ANKRD6: variants seen among roughly 807,000 people sequenced by gnomAD.
ANKRD6 encodes ankyrin repeat domain 6.
ANKRD6 carries 56 observed loss-of-function variants against 82.3 expected under a neutral mutation model. That is an observed-to-expected ratio of 0.68 (90% CI 0.55 to 0.85). ANKRD6 has a LOEUF of 0.85. ANKRD6 is among the 40% of genes least tolerant of loss of function. The pLI, the probability that ANKRD6 is intolerant of heterozygous loss-of-function variation, is 0.00. For synonymous variants in ANKRD6, 347 were observed against 352.1 expected (o/e 0.99, Z 0.16); for missense variants, 852 against 907.6 (o/e 0.94, Z 0.79).
intron 1 of ANKRD6, among the ~76,000 whole-genome samples, chr6:89,540,289 A>G (rs1784313589): frequency 6.6e-6 from 1 of 152,114 alleles, no homozygotes; most frequent in Non-Finnish European, 1.5e-5. Context: ...ATCCTCGCCA[A>G]CATTTGTTAT....
intron 1 of ANKRD6, among the ~76,000 whole-genome samples, chr6:89,511,005 C>T (rs924818202): frequency 1.3e-5 from 2 of 152,182 alleles, no homozygotes; most frequent in Non-Finnish European, 2.9e-5. Context: ...AACATCTCCT[C>T]TTCATCCAGA....
At chr6:89,541,485 C>T (rs778045637) in intron 1 of ANKRD6, among the ~76,000 whole-genome samples, 2 of 145,812 alleles carry the variant, frequency 1.4e-5, no homozygotes, top group African/African-American at 2.5e-5. Flanking sequence ...CTCCACATTC[C>T]GAGTTCAAGC....
intron 1 of ANKRD6, among the ~76,000 whole-genome samples, chr6:89,514,473 G>A (rs376052343): frequency 7.2e-5 from 11 of 152,224 alleles, no homozygotes; most frequent in African/African-American, 2.6e-4. Flanking sequence ...TGTGGCCCAA[G>A]ACAATTCTAC....
chr6:89,441,620 C>CTTTTTTTT (rs71556522), intron 1 of ANKRD6, among the ~76,000 whole-genome samples: 7 of 80,458 alleles, frequency 8.7e-5, no homozygotes, highest in East Asian at 4.1e-4. Flanking sequence ...CTTTTCTTTC[C>CTTTTTTTT]TTTTTTTTTT....
chr6:89,518,271 G>A (rs367763390), intron 1 of ANKRD6, among the ~76,000 whole-genome samples: 6 of 152,072 alleles, frequency 3.9e-5, no homozygotes, highest in African/African-American at 9.7e-5. Context: ...GCGTGGTGGC[G>A]CATGCCTGTA....
intron 1 of ANKRD6, among the ~76,000 whole-genome samples, chr6:89,559,071 G>A (rs1412078369): frequency 6.6e-6 from 1 of 152,098 alleles, no homozygotes; most frequent in African/African-American, 2.4e-5. Context: ...AATATGACTA[G>A]CCACTCTTCT....
chr6:89,455,632 G>C (rs372091932), intron 1 of ANKRD6, among the ~76,000 whole-genome samples: 1 of 152,072 alleles, frequency 6.6e-6, no homozygotes, highest in Non-Finnish European at 1.5e-5. Context: ...TTTCATGATA[G>C]TGAATGAGTT....
At chr6:89,600,209 C>T (rs1396152450) in intron 3 of ANKRD6, among the ~76,000 whole-genome samples, 1 of 152,168 alleles carries the variant, frequency 6.6e-6, no homozygotes, top group African/African-American at 2.4e-5. Flanking sequence ...GAAGCAAATA[C>T]AGTAGATTGA....
intron 1 of ANKRD6, among the ~76,000 whole-genome samples, chr6:89,544,326 G>A (rs1361332230): frequency 6.6e-6 from 1 of 152,210 alleles, no homozygotes; most frequent in East Asian, 1.9e-4. Flanking sequence ...ACAAGTCACA[G>A]CAGAGTGCTC....
chr6:89,608,368 C>CACACACACACACACACACACACTA, intron 5 of ANKRD6, among the ~76,000 whole-genome samples: 3 of 130,752 alleles, frequency 2.3e-5, no homozygotes, highest in East Asian at 2.1e-4. Flanking sequence ...CACACACACA[C>CACACACACACACACACACACACTA]TATATATATA....
In ANKRD6 at chr6:89,433,881, A is replaced by T. The variant is rs1770282819; in HGVS notation, c.-144+506A>T. On this transcript the variant is annotated intron_variant, in intron 1 of 15. Coordinates refer to ENST00000339746, the MANE Select transcript of ANKRD6 (RefSeq NM_001242809.2). The surrounding 1 kb of genome is among the most constrained non-coding windows in gnomAD (Gnocchi z 4.3). ...TCAGGAGCCCCATCGGCGAAGCCTC[A>T]GCAAGTGGCATCTCCCGGGGTCCAG... Among the ~76,000 whole-genome samples, 1 of 152,240 alleles carries T rather than the reference A, an allele frequency of 6.6e-6. No homozygotes were observed. The highest frequency in any genetic ancestry group is 1.5e-5 in the Non-Finnish European group (1 of 68,034).
At chr6:89,565,562 C>T (rs1788324601) in intron 1 of ANKRD6, among the ~76,000 whole-genome samples, 1 of 152,240 alleles carries the variant, frequency 6.6e-6, no homozygotes, top group Non-Finnish European at 1.5e-5. Flanking sequence ...ACCCTAGCCT[C>T]ACAGAGTGGT....
intron 1 of ANKRD6, among the ~76,000 whole-genome samples, chr6:89,552,221 A>C (rs1785951213): frequency 6.6e-6 from 1 of 152,234 alleles, no homozygotes; most frequent in Admixed American, 6.5e-5. Context: ...ATTCTTGCGA[A>C]GCATGTCCTC....
intron 9 of ANKRD6, among the ~76,000 whole-genome samples, chr6:89,619,317 T>C (rs541536970): frequency 2.0e-5 from 3 of 152,318 alleles, no homozygotes; most frequent in African/African-American, 4.8e-5. Flanking sequence ...TGAAGTGCTG[T>C]ATAAACGTCA....
At chr6:89,571,263 CA>C (rs1170439148) in intron 2 of ANKRD6, among the ~76,000 whole-genome samples, 3 of 152,034 alleles carry the variant, frequency 2.0e-5, no homozygotes, top group African/African-American at 7.3e-5. Context: ...CCGTGTTAGC[CA>C]GGGGTGGTCT....
At chr6:89,535,297 A>C (rs1783682634) in intron 1 of ANKRD6, among the ~76,000 whole-genome samples, 1 of 152,166 alleles carries the variant, frequency 6.6e-6, no homozygotes, top group South Asian at 2.1e-4. Flanking sequence ...CCTGCAGTAT[A>C]AAATGGGATA....
intron 1 of ANKRD6, among the ~76,000 whole-genome samples, chr6:89,525,527 T>C (rs1279520084): frequency 6.6e-6 from 1 of 152,214 alleles, no homozygotes. Flanking sequence ...AAAGGATTAT[T>C]GGCAATACAT....
intron 1 of ANKRD6, among the ~76,000 whole-genome samples, chr6:89,441,902 G>T (rs1489490172): frequency 6.6e-6 from 1 of 151,986 alleles, no homozygotes; most frequent in Non-Finnish European, 1.5e-5. Context: ...AAAGTGTTGG[G>T]ATTACAGGCG....
intron 2 of ANKRD6, among the ~76,000 whole-genome samples, chr6:89,591,929 C>T (rs1794999537): frequency 6.6e-6 from 1 of 152,206 alleles, no homozygotes; most frequent in Non-Finnish European, 1.5e-5. Context: ...AGCTCAGCTC[C>T]TGAAGCTCTC....
Sources: allele counts gnomAD v4.1 joint callset (sites outside exome capture counted in the v4.1 genomes callset), GRCh38; gene constraint gnomAD v4.1.1; non-coding constraint Gnocchi (gnomAD v3.1); transcripts MANE v1.5; gene names NCBI Gene and HGNC (gene_info 2026-07-23, HGNC 2026-07-21).